The following GPC5 variants were observed in gnomAD, a reference collection of about 807,000 sequenced individuals.
GPC5 encodes glypican-5.
Under a neutral mutation model 53.9 loss-of-function variants are expected in GPC5, and 47 were observed. That is an observed-to-expected ratio of 0.87 (90% CI 0.69 to 1.11). The LOEUF (loss-of-function observed/expected upper bound fraction) is 1.11. Among genes scored for constraint, GPC5 ranks in the 50% most tolerant of loss-of-function variants. The pLI is 0.00. For missense variants in GPC5, 748 were observed against 713.1 expected, an observed-to-expected ratio of 1.05 and a Z score of -0.56; for synonymous variants, 286 against 263.3, an observed-to-expected ratio of 1.09 and a Z score of -0.84.
At chr13:92,711,621 A>G (rs1418182305) in intron 7 of GPC5, among the ~76,000 whole-genome samples, 2 of 152,076 alleles carry the variant, frequency 1.3e-5, no homozygotes, top group Non-Finnish European at 2.9e-5. Context: ...GGCCATTCCA[A>G]AACAGTAGAA....
At chr13:91,425,192 G>T (rs559731405) in intron 1 of GPC5, among the ~76,000 whole-genome samples, 3 of 152,182 alleles carry the variant, frequency 2.0e-5, no homozygotes, top group Non-Finnish European at 4.4e-5. Flanking sequence ...TATAATAGCA[G>T]AACTTTTCTC....
chr13:92,424,139 A>G (rs905536457), intron 7 of GPC5, among the ~76,000 whole-genome samples: 5 of 152,266 alleles, frequency 3.3e-5, no homozygotes, highest in Admixed American at 1.3e-4. Flanking sequence ...TGCCTTTAAC[A>G]AATTAAAATT....
chr13:91,984,391 A>C (rs2040387974), intron 6 of GPC5, among the ~76,000 whole-genome samples: 1 of 152,248 alleles, frequency 6.6e-6, no homozygotes, highest in African/African-American at 2.4e-5. Context: ...ATAACATGCT[A>C]ACAGCCAATG....
chr13:92,654,035 G>C (rs569718453), intron 7 of GPC5, among the ~76,000 whole-genome samples: 1 of 152,194 alleles, frequency 6.6e-6, no homozygotes, highest in Non-Finnish European at 1.5e-5. Flanking sequence ...ATAGAACAGT[G>C]CCTTGCACAG....
intron 2 of GPC5, among the ~76,000 whole-genome samples, chr13:91,673,564 G>C (rs564442295): frequency 6.6e-6 from 1 of 152,164 alleles, no homozygotes; most frequent in East Asian, 1.9e-4. Flanking sequence ...GCCTTTAGAT[G>C]TAAGCTTCCT....
At chr13:92,712,218 C>A (rs1177582076) in intron 7 of GPC5, among the ~76,000 whole-genome samples, 1 of 151,860 alleles carries the variant, frequency 6.6e-6, no homozygotes, top group Non-Finnish European at 1.5e-5. Context: ...GTGATTCTGT[C>A]TAGCACTGTA....
chr13:91,624,591 T>C (rs537705571), intron 2 of GPC5, among the ~76,000 whole-genome samples: 73 of 152,182 alleles, frequency 4.8e-4, no homozygotes, highest in South Asian at 2.3e-3. Flanking sequence ...AAGTAGAACA[T>C]ATTTTATATA....
chr13:91,428,678 T>G (rs1350337548), intron 1 of GPC5, among the ~76,000 whole-genome samples: 2 of 152,170 alleles, frequency 1.3e-5, no homozygotes, highest in Admixed American at 1.3e-4. Flanking sequence ...AATTATTTGA[T>G]GAGAACTTCC....
At chr13:91,665,891 G>A (rs2035100531) in intron 2 of GPC5, among the ~76,000 whole-genome samples, 1 of 152,300 alleles carries the variant, frequency 6.6e-6, no homozygotes, top group Admixed American at 6.5e-5. Flanking sequence ...TCGAGTGGAT[G>A]TATGCCATTA....
Position 92,804,757 on chromosome 13 carries a change from C to T in GPC5, c.1562-61525C>T, listed in dbSNP as rs9556216. Among the ~76,000 whole-genome samples the T allele has an allele frequency of 0.025, 3,820 of 152,106 alleles. 375 individuals carry two copies. In the East Asian group the frequency reaches 0.32, roughly 13 times the overall value. On this transcript the variant is annotated intron_variant, in intron 7 of 7. Coordinates refer to ENST00000377067, the MANE Select transcript of GPC5 (RefSeq NM_004466.6). ...TACAGCATATGGTGCTGTTTCACAG[C>T]ATTTTACCCTCAGAAGAACTTCTTT...
rs561107681 is a variant in GPC5 at position 92,663,413 on chromosome 13, C to T, written c.1562-202869C>T. 1.2e-3 allele frequency among the ~76,000 whole-genome samples: 189 copies of T among 151,258 alleles called. 1 individual carries two copies. The highest frequency in any genetic ancestry group is 4.3e-3 in the African/African-American group (179 of 41,214). On this transcript the variant is annotated intron_variant, in intron 7 of 7. Transcript: ENST00000377067. ...TGAATTCAAGATATTCTCTGAGTGT[C>T]GTAAAAAGAGCTTATCTAGTTTATC...
chr13:92,765,955 G>C (rs1238456135), intron 7 of GPC5, among the ~76,000 whole-genome samples: 1 of 152,000 alleles, frequency 6.6e-6, no homozygotes, highest in East Asian at 1.9e-4. Context: ...TGAGAAGAAT[G>C]AAAACCTTTT....
At chr13:91,505,725 T>C (rs1884902964) in intron 2 of GPC5, among the ~76,000 whole-genome samples, 1 of 152,208 alleles carries the variant, frequency 6.6e-6, no homozygotes, top group Non-Finnish European at 1.5e-5. Flanking sequence ...ACTTTTTGTG[T>C]CCCTCACTGT....
At chr13:91,742,015 T>G (rs2140072154) in intron 4 of GPC5, among the ~76,000 whole-genome samples, 1 of 152,236 alleles carries the variant, frequency 6.6e-6, no homozygotes, top group East Asian at 1.9e-4. Context: ...AAAATCTGCT[T>G]AATGTAAAAC....
At chr13:91,773,764 T>G (rs1306818968) in intron 5 of GPC5, among the ~76,000 whole-genome samples, 2 of 152,172 alleles carry the variant, frequency 1.3e-5, no homozygotes, top group Non-Finnish European at 2.9e-5. Context: ...CATGCAGACA[T>G]GCAAGTCAGC....
intron 7 of GPC5, among the ~76,000 whole-genome samples, chr13:92,779,816 T>A (rs758439600): frequency 1.3e-5 from 2 of 152,176 alleles, no homozygotes; most frequent in Non-Finnish European, 2.9e-5. Flanking sequence ...CAGATTAAAT[T>A]TGTAAGGACA....
At chr13:91,789,320 A>G (rs1172372217) in intron 5 of GPC5, among the ~76,000 whole-genome samples, 1 of 152,236 alleles carries the variant, frequency 6.6e-6, no homozygotes, top group Non-Finnish European at 1.5e-5. Context: ...ATGCTTTCTA[A>G]TTTATCAAAA....
chr13:92,697,052 T>C (rs1887577548), intron 7 of GPC5, among the ~76,000 whole-genome samples: 1 of 151,702 alleles, frequency 6.6e-6, no homozygotes, highest in African/African-American at 2.4e-5. Context: ...GTTCCATTGG[T>C]CTATATATCT....
chr13:92,481,337 G>A (rs370790266), intron 7 of GPC5, among the ~76,000 whole-genome samples: 9 of 151,998 alleles, frequency 5.9e-5, no homozygotes, highest in South Asian at 2.1e-4. Context: ...TCCTGATCTC[G>A]TGATCCGCCC....
Sources: gnomAD v4.1 joint callset for allele counts (sites outside exome capture counted in the v4.1 genomes callset) on GRCh38, gnomAD v4.1.1 for gene constraint, MANE v1.5 for transcripts, NCBI Gene and HGNC (gene_info 2026-07-23, HGNC 2026-07-21) for gene names.